The following LAPTM4A variants were observed in gnomAD, a reference collection of about 807,000 sequenced individuals.
The protein encoded by LAPTM4A is lysosomal protein transmembrane 4 alpha, also known as lysosomal-associated transmembrane protein 4A.
LAPTM4A carries 19 observed loss-of-function variants against 29.9 expected under a neutral mutation model. The observed-to-expected ratio is 0.64, with a 90% CI of 0.44 to 0.93. The LOEUF (loss-of-function observed/expected upper bound fraction) is 0.93. LAPTM4A is among the 40% of genes least tolerant of loss of function. The probability of loss-of-function intolerance (pLI) is 0.00; values close to 1 mark genes in which losing one functional copy is unlikely to be tolerated. For synonymous variants in LAPTM4A, 105 were observed against 102.1 expected (o/e 1.03, Z -0.17); for missense variants, 293 against 288.5 (o/e 1.02, Z -0.11).
chr2:20,034,950 T>G lies in LAPTM4A; in HGVS notation c.528+17A>C. ...TGTCAATCTCAGTCACCCCTAAAGA[T>G]TTAGTCAGCAACGTACCTTAAAAAT... On this transcript the variant is annotated intron_variant, in intron 5 of 6. Transcript: ENST00000175091. The G allele has an allele frequency of 6.3e-7, 1 of 1,579,178 alleles. No homozygotes were observed. The highest frequency in any genetic ancestry group is 8.7e-7 in the Non-Finnish European group (1 of 1,152,062).
chr2:20,037,964 G>A (rs56154480), intron 2 of LAPTM4A, among the ~76,000 whole-genome samples: 9,069 of 152,160 alleles, frequency 0.06, 580 homozygotes, highest in African/African-American at 0.16. Context: ...AATCCAATGT[G>A]TCAAGTGCTA....
intron 1 of LAPTM4A, among the ~76,000 whole-genome samples, chr2:20,050,300 A>G (rs561471475): frequency 2.0e-5 from 3 of 152,318 alleles, no homozygotes; most frequent in African/African-American, 7.2e-5. Context: ...CCAAATGCTT[A>G]CTAATGATTT....
chr2:20,043,417 C>T (rs893069515), intron 1 of LAPTM4A, among the ~76,000 whole-genome samples: 2 of 151,922 alleles, frequency 1.3e-5, no homozygotes, highest in South Asian at 4.2e-4. Flanking sequence ...GGTTTCGCCA[C>T]GTTGGCCAGG....
intron 1 of LAPTM4A, among the ~76,000 whole-genome samples, chr2:20,046,323 A>G (rs1673917969): frequency 6.6e-6 from 1 of 152,100 alleles, no homozygotes; most frequent in Non-Finnish European, 1.5e-5. Flanking sequence ...CGCTGTGGAC[A>G]TGTACCCTAG....
chr2:20,048,986 A>T (rs1323945082), intron 1 of LAPTM4A, among the ~76,000 whole-genome samples: 1 of 152,256 alleles, frequency 6.6e-6, no homozygotes, highest in African/African-American at 2.4e-5. Flanking sequence ...AGTCATCAAC[A>T]AAACTATAAT....
chr2:20,042,474 G>C (rs1165707247), intron 1 of LAPTM4A, among the ~76,000 whole-genome samples: 1 of 152,160 alleles, frequency 6.6e-6, no homozygotes, highest in Non-Finnish European at 1.5e-5. Context: ...ACACACTACA[G>C]ATTTACTGTC....
chr2:20,033,370 G>C (rs559250522), intron 6 of LAPTM4A, 91 bp from the exon 7 acceptor site: 2 of 1,001,692 alleles, frequency 2.0e-6, no homozygotes, highest in African/African-American at 1.6e-5. Context: ...GCCCTAAATA[G>C]GGTTATACAA....
intron 1 of LAPTM4A, among the ~76,000 whole-genome samples, chr2:20,049,674 G>A (rs1211893620): frequency 6.6e-6 from 1 of 152,122 alleles, no homozygotes; most frequent in African/African-American, 2.4e-5. Context: ...TAGAAATGGT[G>A]GTATTCTCTT....
rs753488731 is a variant in LAPTM4A at position 20,034,270 on chromosome 2, A to C, written c.627+47T>G. ...AAGCTCCAGGTTCTTCTCCTGGAAC[A>C]GTCAATAGTGACTGGTGACCTTTTA... On this transcript the variant is annotated intron_variant, in intron 6 of 6. Transcript: ENST00000175091. 1.2e-5 allele frequency: 15 copies of C among 1,243,646 alleles called. 1 individual carries two copies. The South Asian group carries it at 1.8e-4, about 15-fold the overall frequency. 77.0% of individuals were successfully genotyped at this position (1,243,646 alleles called of 1,614,324 possible).
intron 1 of LAPTM4A, among the ~76,000 whole-genome samples, chr2:20,046,480 T>G (rs756386282): frequency 1.3e-5 from 2 of 151,734 alleles, no homozygotes; most frequent in Non-Finnish European, 2.9e-5. Context: ...AATTAATAAG[T>G]TAGCCATCAC....
intron 1 of LAPTM4A, among the ~76,000 whole-genome samples, chr2:20,046,715 TTTATATA>T (rs1272288363): frequency 2.3e-4 from 33 of 141,744 alleles, no homozygotes; most frequent in Non-Finnish European, 4.6e-4. Context: ...TTTATATATA[TTTATATA>T]TTATATATCT....
intron 1 of LAPTM4A, 34 bp from the exon 2 acceptor site, chr2:20,041,045 T>C: frequency 1.2e-6 from 2 of 1,610,046 alleles, no homozygotes; most frequent in Non-Finnish European, 8.5e-7. Flanking sequence ...GTTACATTAA[T>C]TACCATCACG....
intron 4 of LAPTM4A, among the ~76,000 whole-genome samples, chr2:20,036,044 A>G (rs1022599866): frequency 1.3e-5 from 2 of 152,202 alleles, no homozygotes; most frequent in Admixed American, 6.5e-5. Context: ...AAACAAAAAG[A>G]AAAACACAGA....
At chr2:20,040,606 A>G (rs1673773267) in intron 2 of LAPTM4A, among the ~76,000 whole-genome samples, 1 of 152,170 alleles carries the variant, frequency 6.6e-6, no homozygotes, top group Non-Finnish European at 1.5e-5. Context: ...GTATTACTAT[A>G]TTTTTCCATC....
At chr2:20,034,672 T>G (rs1231767005) in intron 5 of LAPTM4A, among the ~76,000 whole-genome samples, 3 of 152,202 alleles carry the variant, frequency 2.0e-5, no homozygotes, top group Non-Finnish European at 4.4e-5. Flanking sequence ...CAGAAGAAAT[T>G]CTGGGTTTGT....
chr2:20,042,797 C>T (rs13029056), intron 1 of LAPTM4A, among the ~76,000 whole-genome samples: 73,045 of 152,060 alleles, frequency 0.48, 18,492 homozygotes, highest in East Asian at 0.76. Flanking sequence ...GTATTGTTAA[C>T]GACTCAAGAC....
intron 1 of LAPTM4A, 93 bp from the exon 2 acceptor site, chr2:20,041,104 C>CT: frequency 7.9e-7 from 1 of 1,273,880 alleles, no homozygotes; most frequent in South Asian, 1.4e-5. Flanking sequence ...TTAAGATTGT[C>CT]TTACTTGAAG....
At chr2:20,042,400 A>G (rs745952776) in intron 1 of LAPTM4A, among the ~76,000 whole-genome samples, 22 of 152,232 alleles carry the variant, frequency 1.4e-4, no homozygotes, top group Non-Finnish European at 2.8e-4. Context: ...GCCTTAATAT[A>G]CCTGTAATTG....
At chr2:20,047,343 G>A (rs1673948749) in intron 1 of LAPTM4A, among the ~76,000 whole-genome samples, 2 of 146,086 alleles carry the variant, frequency 1.4e-5, no homozygotes, top group Admixed American at 7.0e-5. Flanking sequence ...AGCCGAGATC[G>A]CACCACTGCA....
Sources: gnomAD v4.1 joint callset for allele counts (sites outside exome capture counted in the v4.1 genomes callset) on GRCh38, gnomAD v4.1.1 for gene constraint, MANE v1.5 for transcripts, NCBI Gene and HGNC (gene_info 2026-07-23, HGNC 2026-07-21) for gene names.